Variants in LAMA3 observed in about 807,000 individuals in gnomAD.
LAMA3 encodes the protein laminin subunit alpha 3, also known as laminin subunit alpha-3.
In LAMA3, 281 loss-of-function variants were observed where a neutral mutation model predicts 402.0. The observed-to-expected ratio is 0.70, with a 90% CI of 0.63 to 0.77. The LOEUF is 0.77. LAMA3 is among the 30% of genes least tolerant of loss of function. LAMA3 has a pLI of 0.00. For synonymous variants in LAMA3, 1,431 were observed against 1,558.4 expected, an observed-to-expected ratio of 0.92 and a Z score of 1.93; for missense variants, 3,840 against 4,215.5, an observed-to-expected ratio of 0.91 and a Z score of 2.47.
chr18:23,812,691 G>T (rs1449560949), intron 13 of LAMA3, among the ~76,000 whole-genome samples: 2 of 152,190 alleles, frequency 1.3e-5, no homozygotes, highest in Admixed American at 6.5e-5. Flanking sequence ...ATTCTAGAAC[G>T]TCTTTTAAAT....
chr18:23,907,511 CA>C (rs768036867), intron 52 of LAMA3, 38 bp from the exon 53 acceptor site: 8 of 1,414,228 alleles, frequency 5.7e-6, no homozygotes, highest in Non-Finnish European at 7.0e-6. Context: ...GATCAAAATG[CA>C]CAAAGTAATT....
At position 23,797,024 on chromosome 18, in the gene LAMA3, C is replaced by T. The variant is rs187909072; in HGVS notation, c.1603+12867C>T. Among the ~76,000 whole-genome samples the T allele has an allele frequency of 2.6e-3, 393 of 152,266 alleles. 1 individual carries two copies. The highest frequency in any genetic ancestry group is 7.3e-3 in the South Asian group (35 of 4,814). On this transcript the variant is annotated intron_variant, in intron 12 of 74. Coordinates refer to ENST00000313654, the MANE Select transcript of LAMA3 (RefSeq NM_198129.4). ...GTCTGGGGTCAGCCTCTGCTGGATT[C>T]TCTGTGGTCTAAAGTCGTGGCTCAA...
chr18:23,888,067 G>A (rs538484900), intron 41 of LAMA3, among the ~76,000 whole-genome samples: 11 of 152,348 alleles, frequency 7.2e-5, no homozygotes, highest in African/African-American at 2.6e-4. Flanking sequence ...AAGTTTAGAT[G>A]TAGGTAAGAA....
rs376179306 is a variant in LAMA3, at chr18:23,783,175, A to C, written c.1469-848A>C. On this transcript the variant is annotated intron_variant, in intron 11 of 74. Coordinates refer to ENST00000313654, the MANE Select transcript of LAMA3 (RefSeq NM_198129.4). ...GACTGGTCCCTCCCATGGTGGTCTC[A>C]GGATTCCTGGAGGGCAAGAATGGAA... is the stretch of plus-strand genomic sequence containing the variant. 1.1e-3 allele frequency among the ~76,000 whole-genome samples: 164 copies of C among 152,278 alleles called. 2 individuals are homozygous for C. Among genetic ancestry groups the C allele is most frequent in the African/African-American group, 3.1e-3 (130 of 41,542 alleles).
Position 23,887,701 on chromosome 18 carries a change from T to C in LAMA3, c.5304-2310T>C, listed in dbSNP as rs79614517. ...GGGTGAAAAGCAGGAATATAGATTA[T>C]GCAGGAGACTAGCTGGATAGAAGCC... On this transcript the variant is annotated intron_variant, in intron 41 of 74. Coordinates refer to ENST00000313654, the MANE Select transcript of LAMA3 (RefSeq NM_198129.4). Among the ~76,000 whole-genome samples, 510 of 152,340 alleles carry C rather than the reference T, an allele frequency of 3.3e-3. 5 individuals are homozygous for C. Among genetic ancestry groups the C allele is most frequent in the African/African-American group, 0.012 (490 of 41,580 alleles).
At chr18:23,927,635 C>A (rs949283167) in intron 62 of LAMA3, among the ~76,000 whole-genome samples, 1 of 151,916 alleles carries the variant, frequency 6.6e-6, no homozygotes, top group Non-Finnish European at 1.5e-5. Context: ...CACTTTGTTT[C>A]TTCTGACTTT....
At chr18:23,835,333 G>C (rs187081751) in intron 24 of LAMA3, among the ~76,000 whole-genome samples, 1 of 152,344 alleles carries the variant, frequency 6.6e-6, no homozygotes, top group East Asian at 1.9e-4. Flanking sequence ...AACAACCCTG[G>C]TGACTCTGAA....
At chr18:23,947,282 C>G (rs1387042159) in intron 70 of LAMA3, among the ~76,000 whole-genome samples, 1 of 152,178 alleles carries the variant, frequency 6.6e-6, no homozygotes. Context: ...TCTTTCTTGT[C>G]TCAGATTTGC....
At chr18:23,945,099 C>T (rs1188169536) in intron 69 of LAMA3, among the ~76,000 whole-genome samples, 1 of 152,184 alleles carries the variant, frequency 6.6e-6, no homozygotes, top group Non-Finnish European at 1.5e-5. Flanking sequence ...CACCACTGCA[C>T]TCCAGCCTGG....
chr18:23,746,693 A>G (rs1355889081), intron 2 of LAMA3, among the ~76,000 whole-genome samples: 1 of 152,054 alleles, frequency 6.6e-6, no homozygotes, highest in Non-Finnish European at 1.5e-5. Flanking sequence ...AAGTTTTTTA[A>G]CTTTAATTTT....
At chr18:23,896,598 AC>A (rs1412056898) in intron 44 of LAMA3, among the ~76,000 whole-genome samples, 1 of 152,076 alleles carries the variant, frequency 6.6e-6, no homozygotes, top group African/African-American at 2.4e-5. Context: ...AAGTAATAGA[AC>A]CTATTTCCCT....
chr18:23,782,279 G>A (rs1447990756), intron 11 of LAMA3, among the ~76,000 whole-genome samples: 1 of 152,112 alleles, frequency 6.6e-6, no homozygotes, highest in East Asian at 1.9e-4. Context: ...CTTTCAGGGC[G>A]AGGCATGGTG....
intron 32 of LAMA3, among the ~76,000 whole-genome samples, chr18:23,849,369 A>C (rs2063894617): frequency 6.6e-6 from 1 of 152,202 alleles, no homozygotes; most frequent in Non-Finnish European, 1.5e-5. Flanking sequence ...CAGCTCAGTC[A>C]CTCAAGAACC....
chr18:23,787,982 C>A (rs2062578426), intron 12 of LAMA3, among the ~76,000 whole-genome samples: 1 of 151,962 alleles, frequency 6.6e-6, no homozygotes, highest in African/African-American at 2.4e-5. Flanking sequence ...TACATACATA[C>A]ATACATAAAT....
intron 20 of LAMA3, 126 bp downstream of exon 20, chr18:23,822,501 G>A: frequency 5.9e-6 from 6 of 1,018,886 alleles, no homozygotes; most frequent in Non-Finnish European, 9.0e-6. Context: ...GGTCTGGTTA[G>A]ACGGTTCTCT....
Position 23,920,997 on chromosome 18 carries a change from A to T in LAMA3, c.7986A>T (p.Ser2662=). ...GKLMVRYKLN[S]ELPKERGVGD... is the part of the protein sequence containing the mutation. ...TCATGGTGAGATACAAACTGAATTC[A>T]GAGCTACCAAAAGAGAGAGGAGTTG... Residue 2662 remains serine, a synonymous_variant, in exon 61 of 75, where the codon TCA becomes TCT. Coordinates refer to ENST00000313654, the MANE Select transcript of LAMA3 (RefSeq NM_198129.4). 6.2e-7 allele frequency: 1 copy of T among 1,614,112 alleles called. No homozygotes were observed. Among genetic ancestry groups the T allele is most frequent in the Non-Finnish European group, 8.5e-7 (1 of 1,179,964 alleles).
intron 47 of LAMA3, chr18:23,899,709 T>A (rs2081004467): frequency 5.0e-6 from 2 of 396,244 alleles, no homozygotes; most frequent in Non-Finnish European, 9.3e-6. Context: ...TATGGTTGCC[T>A]CTTTTTCCTT....
At chr18:23,697,629 G>C (rs1429648540) in intron 1 of LAMA3, among the ~76,000 whole-genome samples, 1 of 152,110 alleles carries the variant, frequency 6.6e-6, no homozygotes, top group Non-Finnish European at 1.5e-5. Context: ...GCTCATTGGA[G>C]CTTCCTGGAT....
intron 34 of LAMA3, 124 bp from the exon 35 acceptor site, chr18:23,861,522 A>G (rs778753954): frequency 2.9e-6 from 3 of 1,032,258 alleles, no homozygotes; most frequent in East Asian, 2.5e-5. Flanking sequence ...GAGTAGACGC[A>G]TAAAGGAGGC....
Sources: allele counts gnomAD v4.1 joint callset (sites outside exome capture counted in the v4.1 genomes callset), GRCh38; gene constraint gnomAD v4.1.1; transcripts MANE v1.5; gene names NCBI Gene and HGNC (gene_info 2026-07-23, HGNC 2026-07-21).